Variants in KDM4C observed in about 807,000 individuals in gnomAD.
KDM4C encodes lysine-specific demethylase 4C.
KDM4C carries 81 observed loss-of-function variants against 129.3 expected under a neutral mutation model. That is an observed-to-expected ratio of 0.63 (90% CI 0.52 to 0.75). The LOEUF is 0.75. Ranked by LOEUF, KDM4C falls within the 30% of genes least tolerant of loss-of-function variation. The pLI is 0.00. For synonymous variants in KDM4C, 573 were observed against 456.1 expected (o/e 1.26, Z -3.26); for missense variants, 1,457 against 1,304.0 (o/e 1.12, Z -1.81).
intron 1 of KDM4C, among the ~76,000 whole-genome samples, chr9:6,786,230 T>C (rs1358860589): frequency 6.6e-6 from 1 of 152,238 alleles, no homozygotes. Flanking sequence ...GTTTCTTTTT[T>C]ATTACCAAAT....
At chr9:6,812,990 A>G (rs1425019930) in intron 3 of KDM4C, among the ~76,000 whole-genome samples, 1 of 152,142 alleles carries the variant, frequency 6.6e-6, no homozygotes, top group Non-Finnish European at 1.5e-5. Context: ...AGCCTGACCA[A>G]CATGGAGAAA....
chr9:6,731,543 G>T (rs1458861565), intron 1 of KDM4C, among the ~76,000 whole-genome samples: 1 of 151,716 alleles, frequency 6.6e-6, no homozygotes, highest in Non-Finnish European at 1.5e-5. Flanking sequence ...CCATGTTGAG[G>T]CTGGTCTCGA....
At chr9:6,789,479 C>G (rs1471676603) in intron 1 of KDM4C, among the ~76,000 whole-genome samples, 1 of 152,040 alleles carries the variant, frequency 6.6e-6, no homozygotes, top group African/African-American at 2.4e-5. Context: ...CTCAGCCTCC[C>G]AAAGTGTTGG....
rs149819625 is a variant in KDM4C, at chr9:7,138,920, T to A, written c.2781+10684T>A. Among the ~76,000 whole-genome samples, 530 of 152,250 alleles carry A rather than the reference T, an allele frequency of 3.5e-3. 6 individuals carry two copies. The highest frequency in any genetic ancestry group is 0.012 in the African/African-American group (502 of 41,532). ...ATTATGCATACTTCCAGTAGCATAG[T>A]TATATTTGTAGGTTATGTTTTTAAA... On this transcript the variant is annotated intron_variant, in intron 19 of 21. Coordinates refer to ENST00000381309, the MANE Select transcript of KDM4C (RefSeq NM_015061.6).
At chr9:6,805,132 G>A (rs749797941) in intron 2 of KDM4C, among the ~76,000 whole-genome samples, 5 of 152,170 alleles carry the variant, frequency 3.3e-5, no homozygotes, top group Admixed American at 6.5e-5. Context: ...AACTCCTGAC[G>A]TGGTGATCCG....
intron 3 of KDM4C, 24 bp from the exon 4 acceptor site, chr9:6,814,607 A>G (rs761630213): frequency 1.4e-6 from 2 of 1,436,472 alleles, no homozygotes; most frequent in African/African-American, 1.4e-5. Flanking sequence ...TGGTTTGTAC[A>G]TTTTTGTCAT....
intron 18 of KDM4C, among the ~76,000 whole-genome samples, chr9:7,126,701 C>T (rs145320317): frequency 1.3e-5 from 2 of 152,130 alleles, no homozygotes; most frequent in East Asian, 3.9e-4. Context: ...AAAGATACTC[C>T]TCTAATAAGA....
At chr9:6,800,610 T>A (rs10117327) in intron 2 of KDM4C, among the ~76,000 whole-genome samples, 31,104 of 151,996 alleles carry the variant, frequency 0.2, 3,243 homozygotes, top group Middle Eastern at 0.26. Context: ...ATCTATTTTA[T>A]TTTATTTTTT....
intron 15 of KDM4C, among the ~76,000 whole-genome samples, chr9:7,018,222 G>A (rs907200091): frequency 1.3e-5 from 2 of 152,090 alleles, no homozygotes; most frequent in African/African-American, 4.8e-5. Context: ...AGTAGTGTAG[G>A]CAATTTTAAC....
intron 17 of KDM4C, among the ~76,000 whole-genome samples, chr9:7,101,891 C>T (rs1356031064): frequency 1.3e-5 from 2 of 152,108 alleles, no homozygotes; most frequent in African/African-American, 4.8e-5. Flanking sequence ...TTGAAAATGC[C>T]CGGGGCTCCT....
At chr9:6,721,485 T>C (rs1008014504) in intron 1 of KDM4C, among the ~76,000 whole-genome samples, 2 of 151,802 alleles carry the variant, frequency 1.3e-5, no homozygotes, top group African/African-American at 2.4e-5. Flanking sequence ...GGTTTTGCCA[T>C]GTTGGGCAGG....
chr9:6,972,979 T>C (rs534722707), intron 8 of KDM4C, among the ~76,000 whole-genome samples: 1 of 152,280 alleles, frequency 6.6e-6, no homozygotes, highest in East Asian at 1.9e-4. Flanking sequence ...TTCATGAAAC[T>C]AATAACAGAG....
intron 8 of KDM4C, among the ~76,000 whole-genome samples, chr9:6,933,342 T>C (rs1201128305): frequency 6.6e-6 from 1 of 152,210 alleles, no homozygotes; most frequent in East Asian, 1.9e-4. Flanking sequence ...CCAGCATTAC[T>C]TGCCTATCTG....
chr9:6,902,506 G>T (rs138456883), intron 8 of KDM4C, among the ~76,000 whole-genome samples: 2 of 152,286 alleles, frequency 1.3e-5, no homozygotes, highest in Non-Finnish European at 2.9e-5. Flanking sequence ...ACATGTTTCT[G>T]TGAGGCTTAG....
chr9:6,837,188 G>A (rs1360356903), intron 4 of KDM4C, among the ~76,000 whole-genome samples: 2 of 152,100 alleles, frequency 1.3e-5, no homozygotes, highest in African/African-American at 4.8e-5. Flanking sequence ...CTCCTGAGTA[G>A]CAGGGACCAC....
intron 8 of KDM4C, among the ~76,000 whole-genome samples, chr9:6,937,531 A>T (rs1459079521): frequency 1.3e-5 from 2 of 152,072 alleles, no homozygotes; most frequent in African/African-American, 2.4e-5. Flanking sequence ...TTGTAATCTT[A>T]CATCTTATTG....
chr9:7,030,604 T>A (rs761601988), intron 15 of KDM4C, among the ~76,000 whole-genome samples: 1 of 152,244 alleles, frequency 6.6e-6, no homozygotes, highest in Non-Finnish European at 1.5e-5. Flanking sequence ...AATTATGCTA[T>A]GAACTTAAAG....
intron 1 of KDM4C, among the ~76,000 whole-genome samples, chr9:6,728,138 C>T (rs1817202825): frequency 6.7e-6 from 1 of 150,264 alleles, no homozygotes; most frequent in Non-Finnish European, 1.5e-5. Context: ...GGAACCATCC[C>T]AATCAGGGAC....
chr9:6,879,496 T>C (rs565716577), intron 5 of KDM4C, among the ~76,000 whole-genome samples: 7 of 152,318 alleles, frequency 4.6e-5, no homozygotes, highest in African/African-American at 1.7e-4. Flanking sequence ...ACGGTGTTCT[T>C]AGTAAGATTT....
Sources: allele counts gnomAD v4.1 joint callset (sites outside exome capture counted in the v4.1 genomes callset), GRCh38; gene constraint gnomAD v4.1.1; transcripts MANE v1.5; gene names NCBI Gene and HGNC (gene_info 2026-07-23, HGNC 2026-07-21).